The following METTL8 variants were observed in gnomAD, a reference collection of about 807,000 sequenced individuals.
The protein encoded by METTL8 is methyltransferase 8, tRNA N3-cytidine.
A neutral mutation model predicts 48.7 loss-of-function variants in METTL8; 32 were observed. That is an observed-to-expected ratio of 0.66 (90% confidence interval 0.50 to 0.88). The LOEUF is 0.88. Ranked by LOEUF, METTL8 falls within the 40% of genes least tolerant of loss-of-function variation. The pLI is 0.00. For synonymous variants in METTL8, 136 were observed against 157.1 expected, an observed-to-expected ratio of 0.87 and a Z score of 1.01; for missense variants, 464 against 474.4, an observed-to-expected ratio of 0.98 and a Z score of 0.20.
chr2:171,392,143 C>T lies in METTL8; in HGVS notation c.43G>A (p.Gly15Arg). 1 of 1,551,638 alleles carries T rather than the reference C, an allele frequency of 6.4e-7. No homozygotes were observed. The highest frequency in any genetic ancestry group is 8.7e-7 in the Non-Finnish European group (1 of 1,146,962). ...CTTTGGTATCTGTGTGGCACCTTTC[C>T]TAGCCTTAGACAAGAAATGGAATTT... ...WRNSISCLRL[G>R]KVPHRYQSGY... is the part of the protein sequence containing the mutation. The change falls in exon 2 of 10, where the codon GGA (glycine) becomes AGA (arginine). Residue 15 changes from glycine to arginine, a missense_variant. Gly to Arg is a moderately radical substitution (Grantham distance 125). Transcript: ENST00000375258.
intron 2 of METTL8, among the ~76,000 whole-genome samples, chr2:171,384,580 A>G (rs1419465652): frequency 6.6e-6 from 1 of 152,108 alleles, no homozygotes; most frequent in Non-Finnish European, 1.5e-5. Context: ...CTGTAATCTC[A>G]GCACTTTAGG....
intron 2 of METTL8, among the ~76,000 whole-genome samples, chr2:171,360,942 A>T (rs1685101751): frequency 6.6e-6 from 1 of 152,228 alleles, no homozygotes; most frequent in African/African-American, 2.4e-5. Context: ...CAAAGAGATG[A>T]AAGTTTTAAA....
At chr2:171,328,519 C>CT (rs1487081563) in intron 7 of METTL8, among the ~76,000 whole-genome samples, 2 of 151,906 alleles carry the variant, frequency 1.3e-5, no homozygotes, top group Admixed American at 6.6e-5. Context: ...TTAGTTTTTT[C>CT]TTTTTTTGAG....
chr2:171,361,100 G>C (rs1324419028), intron 2 of METTL8, among the ~76,000 whole-genome samples: 1 of 151,758 alleles, frequency 6.6e-6, no homozygotes, highest in African/African-American at 2.4e-5. Context: ...CTAAGTTCTG[G>C]TACTTTCTAT....
chr2:171,361,585 T>C (rs1179067544), intron 2 of METTL8, among the ~76,000 whole-genome samples: 1 of 152,220 alleles, frequency 6.6e-6, no homozygotes, highest in African/African-American at 2.4e-5. Context: ...ATTACATACA[T>C]ATGTCTTATT....
chr2:171,366,461 G>T (rs941899843), intron 2 of METTL8, among the ~76,000 whole-genome samples: 2 of 152,118 alleles, frequency 1.3e-5, no homozygotes, highest in African/African-American at 4.8e-5. Flanking sequence ...CTGCATAGAA[G>T]ATATTATCCA....
Position 171,324,343 on chromosome 2 carries a change from G to A in METTL8, c.1053C>T (p.Phe351=), listed in dbSNP as rs770827702. ...FFTKGEVHSM[F]CKASLDEKQN... is the part of the protein sequence containing the mutation. ...GCTTTTCATCTAAACTGGCTTTGCA[G>A]AACATACTGTGGACTTCCCCTGTGA... Residue 351 remains phenylalanine (F), a synonymous_variant, in exon 10 of 10, where the codon TTC becomes TTT. Coordinates refer to ENST00000375258, the MANE Select transcript of METTL8 (RefSeq NM_001321154.2). 6 of 1,551,580 alleles carry A rather than the reference G, an allele frequency of 3.9e-6. No homozygotes were observed. The South Asian group carries it at 7.1e-5, about 18-fold the overall frequency.
rs1686836282 is a variant in METTL8 at position 171,375,238 on chromosome 2, C to A, written c.144-14725G>T. 1.4e-5 allele frequency: 17 copies of A among 1,226,278 alleles called. 1 individual carries two copies. In the Admixed American group the frequency reaches 2.9e-4, roughly 21 times the overall value. The allele number at this position is 1,226,278 out of a possible 1,614,324, so 76.0% of individuals were successfully genotyped here. On this transcript the variant is annotated intron_variant, in intron 2 of 9. Coordinates refer to ENST00000375258, the MANE Select transcript of METTL8 (RefSeq NM_001321154.2). ...GCGAATAGGATGCACGTGGCCGCGG[C>A]CCTTTTTGGCATGACCGTTGTTCCT...
At chr2:171,364,306 T>C (rs1431019733) in intron 2 of METTL8, among the ~76,000 whole-genome samples, 1 of 152,134 alleles carries the variant, frequency 6.6e-6, no homozygotes, top group African/African-American at 2.4e-5. Context: ...CTGTACTCTA[T>C]GTTTAAGACA....
chr2:171,339,113 A>G, intron 4 of METTL8, 71 bp downstream of exon 4: 1 of 1,313,226 alleles, frequency 7.6e-7, no homozygotes, highest in Admixed American at 2.6e-5. Context: ...CTGGATTTTT[A>G]ATAAAATAAT....
At chr2:171,346,763 G>A (rs1042600009) in intron 3 of METTL8, among the ~76,000 whole-genome samples, 3 of 152,176 alleles carry the variant, frequency 2.0e-5, no homozygotes, top group African/African-American at 4.8e-5. Context: ...TTCCTCTGGG[G>A]TCTCAGTGTT....
intron 3 of METTL8, among the ~76,000 whole-genome samples, chr2:171,352,760 G>A (rs1169567158): frequency 2.0e-5 from 3 of 152,146 alleles, no homozygotes; most frequent in African/African-American, 7.2e-5. Context: ...TTGCATAGAG[G>A]TGTTTACAGT....
intron 3 of METTL8, among the ~76,000 whole-genome samples, chr2:171,340,581 A>G (rs2105422782): frequency 6.6e-6 from 1 of 152,150 alleles, no homozygotes; most frequent in East Asian, 1.9e-4. Flanking sequence ...ATAAACAAAT[A>G]AAAGAAAGGA....
chr2:171,434,604 G>A (rs570110822), upstream of METTL8: 137 of 1,528,262 alleles, frequency 9.0e-5, 1 homozygote, highest in East Asian at 2.5e-3. Context: ...AGCCCAACGT[G>A]TGCAGCCGGC....
intron 1 of METTL8, among the ~76,000 whole-genome samples, chr2:171,419,657 C>T (rs772594458): frequency 6.6e-6 from 1 of 152,130 alleles, no homozygotes; most frequent in Non-Finnish European, 1.5e-5. Context: ...TTTTCTCTGG[C>T]CCCCTTCAGT....
rs773970553 is a variant in METTL8, at chr2:171,331,790, C to T, written c.720+14G>A. ...CTTAGGCATCAGTTGGTATGATTCC[C>T]AGGAGTAGCATACCTTTACGAGCTC... is the stretch of plus-strand genomic sequence containing the variant. On this transcript the variant is annotated intron_variant, in intron 6 of 9. Transcript: ENST00000375258. 6 of 1,593,828 alleles carry T rather than the reference C, an allele frequency of 3.8e-6. No individual in the cohort carries two copies. In the African/African-American group the frequency reaches 6.7e-5, roughly 18 times the overall value.
At chr2:171,341,058 G>A (rs963607885) in intron 3 of METTL8, among the ~76,000 whole-genome samples, 19 of 152,242 alleles carry the variant, frequency 1.2e-4, no homozygotes, top group African/African-American at 3.6e-4. Context: ...GGCCGGGCAC[G>A]ATGGCTCATG....
At chr2:171,433,146 C>T (rs1279667357) in intron 1 of METTL8, 2 of 152,284 alleles carry the variant, frequency 1.3e-5, no homozygotes, top group Non-Finnish European at 2.9e-5. Flanking sequence ...CACACTCACA[C>T]TCAGACAGGA....
At chr2:171,341,255 G>C (rs1045936707) in intron 3 of METTL8, among the ~76,000 whole-genome samples, 3 of 151,202 alleles carry the variant, frequency 2.0e-5, no homozygotes, top group Non-Finnish European at 4.4e-5. Flanking sequence ...TTGAACCTGG[G>C]AGGCGGAGGT....
Sources: gnomAD v4.1 joint callset for allele counts (sites outside exome capture counted in the v4.1 genomes callset) on GRCh38, gnomAD v4.1.1 for gene constraint, MANE v1.5 for transcripts, NCBI Gene and HGNC (gene_info 2026-07-23, HGNC 2026-07-21) for gene names.